The following AGBL4 variants were observed in gnomAD, a reference collection of about 807,000 sequenced individuals.
The protein encoded by AGBL4 is AGBL carboxypeptidase 4, also known as cytosolic carboxypeptidase 6.
Under a neutral mutation model 66.4 loss-of-function variants are expected in AGBL4, and 58 were observed. That is an observed-to-expected ratio of 0.87 (90% CI 0.71 to 1.09). The LOEUF (loss-of-function observed/expected upper bound fraction) is 1.09, where lower values mean the gene tolerates loss of function less well. Ranked by LOEUF, AGBL4 falls within the 50% of genes least tolerant of loss-of-function variation. The probability of loss-of-function intolerance (pLI) is 0.00; values close to 1 mark genes in which losing one functional copy is unlikely to be tolerated. For synonymous variants in AGBL4, 234 were observed against 222.9 expected, an observed-to-expected ratio of 1.05 and a Z score of -0.44; for missense variants, 579 against 631.0, an observed-to-expected ratio of 0.92 and a Z score of 0.88.
chr1:49,582,750 G>A (rs1644569057), intron 3 of AGBL4, among the ~76,000 whole-genome samples: 1 of 152,172 alleles, frequency 6.6e-6, no homozygotes, highest in African/African-American at 2.4e-5. Flanking sequence ...CTCAGGGTAT[G>A]TTATCTCTTA....
intron 6 of AGBL4, among the ~76,000 whole-genome samples, chr1:48,781,201 C>T (rs187343021): frequency 6.6e-5 from 10 of 151,140 alleles, no homozygotes; most frequent in African/African-American, 1.2e-4. Flanking sequence ...ACGATGGACC[C>T]GGATGCTGAC....
intron 7 of AGBL4, among the ~76,000 whole-genome samples, chr1:48,661,517 C>G (rs1470719531): frequency 1.3e-5 from 2 of 152,198 alleles, no homozygotes; most frequent in Non-Finnish European, 2.9e-5. Flanking sequence ...AGCCAGCGGG[C>G]AGGCATTGAA....
chr1:49,272,273 C>T (rs1301517977), intron 3 of AGBL4, among the ~76,000 whole-genome samples: 1 of 152,122 alleles, frequency 6.6e-6, no homozygotes, highest in Non-Finnish European at 1.5e-5. Flanking sequence ...TCTCTGCCTC[C>T]TAGCTGTGTC....
chr1:48,686,385 G>T (rs565070380), intron 6 of AGBL4, among the ~76,000 whole-genome samples: 4 of 152,330 alleles, frequency 2.6e-5, no homozygotes, highest in African/African-American at 9.6e-5. Context: ...TTTGTTTAGA[G>T]CAGTGCCTGG....
chr1:48,666,011 T>C (rs912645809), intron 6 of AGBL4, among the ~76,000 whole-genome samples: 1 of 152,212 alleles, frequency 6.6e-6, no homozygotes, highest in African/African-American at 2.4e-5. Context: ...CTTCATAAAA[T>C]GATAACATGG....
intron 1 of AGBL4, among the ~76,000 whole-genome samples, chr1:49,880,281 T>C (rs1021328135): frequency 6.6e-6 from 1 of 151,918 alleles, no homozygotes; most frequent in Non-Finnish European, 1.5e-5. Flanking sequence ...TTTTTCCCCA[T>C]CTTTGTGGTT....
At chr1:49,059,750 G>A (rs1305228778) in intron 4 of AGBL4, among the ~76,000 whole-genome samples, 1 of 152,206 alleles carries the variant, frequency 6.6e-6, no homozygotes, top group Admixed American at 6.5e-5. Context: ...GCATGACCTG[G>A]ATGTGAGACA....
At chr1:49,845,891 C>A in intron 2 of AGBL4, 2 of 1,413,590 alleles carry the variant, frequency 1.4e-6, no homozygotes, top group East Asian at 2.3e-5. Flanking sequence ...CACACACCAG[C>A]AAATCCACAC....
intron 2 of AGBL4, among the ~76,000 whole-genome samples, chr1:49,775,939 T>C (rs190533481): frequency 1.5e-4 from 23 of 152,190 alleles, no homozygotes; most frequent in Admixed American, 4.6e-4. Flanking sequence ...TAATAGTGAA[T>C]TGGCTTTGGG....
intron 3 of AGBL4, among the ~76,000 whole-genome samples, chr1:49,458,848 G>A (rs1044718667): frequency 6.6e-6 from 1 of 151,744 alleles, no homozygotes; most frequent in African/African-American, 2.4e-5. Context: ...TTGTGTTAAT[G>A]TGGTGTATCA....
At chr1:49,894,803 T>A (rs190006876) in intron 1 of AGBL4, among the ~76,000 whole-genome samples, 293 of 152,224 alleles carry the variant, frequency 1.9e-3, no homozygotes, top group Admixed American at 4.0e-3. Flanking sequence ...AATCTAAGAT[T>A]TACTGGCCTT....
At chr1:49,064,525 C>T (rs953891503) in intron 4 of AGBL4, among the ~76,000 whole-genome samples, 3 of 152,150 alleles carry the variant, frequency 2.0e-5, no homozygotes, top group Non-Finnish European at 2.9e-5. Context: ...TCCTTCTCAC[C>T]CTCAGGTCTA....
intron 2 of AGBL4, among the ~76,000 whole-genome samples, chr1:49,826,231 A>T (rs1334852659): frequency 6.6e-6 from 1 of 152,222 alleles, no homozygotes; most frequent in Non-Finnish European, 1.5e-5. Flanking sequence ...AGTTTTTTAA[A>T]AAAAACAAGC....
At chr1:48,961,516 C>T (rs908761715) in intron 5 of AGBL4, among the ~76,000 whole-genome samples, 8 of 152,176 alleles carry the variant, frequency 5.3e-5, no homozygotes, top group Non-Finnish European at 1.2e-4. Flanking sequence ...TGTGTGTTGG[C>T]GCAGAAGTGG....
intron 3 of AGBL4, among the ~76,000 whole-genome samples, chr1:49,315,606 A>T (rs891265490): frequency 6.6e-6 from 1 of 152,222 alleles, no homozygotes; most frequent in Non-Finnish European, 1.5e-5. Context: ...TTCTCAAAAG[A>T]AGACATTTAT....
chr1:49,729,048 G>A (rs891368896), intron 2 of AGBL4, among the ~76,000 whole-genome samples: 2 of 152,062 alleles, frequency 1.3e-5, no homozygotes, highest in Admixed American at 6.6e-5. Flanking sequence ...ATCATGAACC[G>A]GGGAGGGCAG....
chr1:49,968,242 T>C (rs939830634), intron 1 of AGBL4, among the ~76,000 whole-genome samples: 1 of 151,610 alleles, frequency 6.6e-6, no homozygotes, highest in African/African-American at 2.4e-5. Flanking sequence ...AAATCAGCAT[T>C]TCCTTGAAAA....
chr1:49,434,827 A>G (rs1645867108), intron 3 of AGBL4, among the ~76,000 whole-genome samples: 1 of 152,066 alleles, frequency 6.6e-6, no homozygotes, highest in South Asian at 2.1e-4. Flanking sequence ...AGATGTCCCA[A>G]GAACAAAATG....
At chr1:49,508,253 A>G (rs1648876814) in intron 3 of AGBL4, among the ~76,000 whole-genome samples, 1 of 152,014 alleles carries the variant, frequency 6.6e-6, no homozygotes, top group South Asian at 2.1e-4. Flanking sequence ...CTCTTTTTCA[A>G]AGATAAACAA....
Sources: gnomAD v4.1 joint callset for allele counts (sites outside exome capture counted in the v4.1 genomes callset) on GRCh38, gnomAD v4.1.1 for gene constraint, MANE v1.5 for transcripts, NCBI Gene and HGNC (gene_info 2026-07-23, HGNC 2026-07-21) for gene names.